CHST11: variants seen among roughly 807,000 people sequenced by gnomAD.
CHST11 encodes the protein carbohydrate sulfotransferase 11, also known as C4S-1.
A neutral mutation model predicts 30.4 loss-of-function variants in CHST11; 9 were observed. The observed-to-expected ratio is 0.30, with a 90% CI of 0.18 to 0.52. The LOEUF (loss-of-function observed/expected upper bound fraction) is 0.52. CHST11 is among the 20% of genes least tolerant of loss of function. CHST11 has a pLI of 0.97. For synonymous variants in CHST11, 152 were observed against 187.8 expected (o/e 0.81, Z 1.56); for missense variants, 348 against 460.6 (o/e 0.76, Z 2.24).
At chr12:104,558,022 A>G (rs1045997176) in intron 1 of CHST11, among the ~76,000 whole-genome samples, 3 of 152,046 alleles carry the variant, frequency 2.0e-5, no homozygotes, top group African/African-American at 7.2e-5. Flanking sequence ...AGAGAGGACC[A>G]GCTCTGCTGT....
At chr12:104,708,901 C>T (rs2040060654) in intron 2 of CHST11, among the ~76,000 whole-genome samples, 1 of 152,192 alleles carries the variant, frequency 6.6e-6, no homozygotes, top group South Asian at 2.1e-4. Flanking sequence ...GTCATTTTCA[C>T]CTTAGTAGCT....
At chr12:104,462,201 A>G (rs1474910371) in intron 1 of CHST11, among the ~76,000 whole-genome samples, 3 of 149,588 alleles carry the variant, frequency 2.0e-5, no homozygotes, top group Admixed American at 6.7e-5. Context: ...AGAAAAGAAA[A>G]AAAGAAAATT....
chr12:104,618,334 C>A lies in CHST11; in HGVS notation c.204+16343C>A, dbSNP rs570234212. Among the ~76,000 whole-genome samples, 10 of 151,922 alleles carry A rather than the reference C, an allele frequency of 6.6e-5. No homozygotes were observed. The South Asian group carries it at 2.1e-3, about 32-fold the overall frequency. On this transcript the variant is annotated intron_variant, in intron 2 of 2. Transcript: ENST00000303694. ...GGCTTCCTGGGCGCAAGTGATCCTG[C>A]CACTTCAGCCTCCCAAGTAGCTGGG...
intron 2 of CHST11, among the ~76,000 whole-genome samples, chr12:104,721,603 G>T (rs2040177509): frequency 6.6e-6 from 1 of 152,146 alleles, no homozygotes; most frequent in African/African-American, 2.4e-5. Context: ...GAGAATGAGT[G>T]CTCAAAATGG....
chr12:104,525,228 C>T (rs2038113496), intron 1 of CHST11, among the ~76,000 whole-genome samples: 1 of 151,920 alleles, frequency 6.6e-6, no homozygotes, highest in African/African-American at 2.4e-5. Context: ...TGGCCTCAAG[C>T]AGTCCTCCTG....
intron 1 of CHST11, among the ~76,000 whole-genome samples, chr12:104,466,727 A>T (rs2037463551): frequency 6.6e-6 from 1 of 152,242 alleles, no homozygotes; most frequent in Middle Eastern, 3.2e-3. Flanking sequence ...CTATTGGTAA[A>T]ACATATTTGA....
chr12:104,725,691 T>C lies in CHST11; in HGVS notation c.205-31258T>C, dbSNP rs192118805. On this transcript the variant is annotated intron_variant, in intron 2 of 2. Coordinates refer to ENST00000303694, the MANE Select transcript of CHST11 (RefSeq NM_018413.6). ...AACTCAGGGGCACATAGGTCTTGTG[T>C]GCTGGAGCCTAGCTTTCAACCCTGG... Among the ~76,000 whole-genome samples, 449 of 152,208 alleles carry C rather than the reference T, an allele frequency of 2.9e-3. 3 individuals carry two copies. The highest frequency in any genetic ancestry group is 9.6e-3 in the African/African-American group (397 of 41,514).
chr12:104,708,066 A>C (rs952082388), intron 2 of CHST11, among the ~76,000 whole-genome samples: 1 of 152,240 alleles, frequency 6.6e-6, no homozygotes, highest in Non-Finnish European at 1.5e-5. Context: ...TGTTCCATGC[A>C]CTGACACCTT....
At chr12:104,602,055 C>G (rs775436399) in intron 2 of CHST11, 64 bp downstream of exon 2, 1 of 1,202,998 alleles carries the variant, frequency 8.3e-7, no homozygotes, top group East Asian at 2.4e-5. Flanking sequence ...ATACTAAAAA[C>G]TCTAAAATTG....
At chr12:104,483,001 A>G (rs539548102) in intron 1 of CHST11, among the ~76,000 whole-genome samples, 18 of 152,146 alleles carry the variant, frequency 1.2e-4, no homozygotes, top group South Asian at 4.1e-4. Flanking sequence ...CACAGATTCA[A>G]GGTTTCTAAC....
At chr12:104,518,982 T>TG (rs1317899225) in intron 1 of CHST11, among the ~76,000 whole-genome samples, 1 of 151,440 alleles carries the variant, frequency 6.6e-6, no homozygotes, top group African/African-American at 2.4e-5. Flanking sequence ...TTCTTTTTTT[T>TG]TTTTTTTAAC....
At chr12:104,660,287 G>A (rs570779860) in intron 2 of CHST11, among the ~76,000 whole-genome samples, 23 of 152,304 alleles carry the variant, frequency 1.5e-4, no homozygotes, top group African/African-American at 3.8e-4. Context: ...AAAGTCTTTC[G>A]TTCCCAAAGC....
chr12:104,706,410 G>A (rs1749146467), intron 2 of CHST11, among the ~76,000 whole-genome samples: 1 of 117,014 alleles, frequency 8.5e-6, no homozygotes, highest in African/African-American at 3.1e-5. Flanking sequence ...AAACAGATAG[G>A]TAGATAGGTA....
intron 1 of CHST11, among the ~76,000 whole-genome samples, chr12:104,475,252 A>G (rs942133157): frequency 6.6e-6 from 1 of 152,182 alleles, no homozygotes; most frequent in African/African-American, 2.4e-5. Flanking sequence ...ACAAATCTAA[A>G]TAAGACTTAG....
chr12:104,755,282 A>G (rs763742942), intron 2 of CHST11, among the ~76,000 whole-genome samples: 1 of 152,102 alleles, frequency 6.6e-6, no homozygotes, highest in Non-Finnish European at 1.5e-5. Context: ...CATTCTCAGG[A>G]CTCAAAGCCA....
intron 2 of CHST11, among the ~76,000 whole-genome samples, chr12:104,712,124 C>T (rs1310903826): frequency 6.6e-6 from 1 of 152,138 alleles, no homozygotes; most frequent in African/African-American, 2.4e-5. Flanking sequence ...CAAGTGTTCA[C>T]CATGCAGAAG....
intron 2 of CHST11, among the ~76,000 whole-genome samples, chr12:104,711,724 A>T (rs887983810): frequency 3.3e-5 from 5 of 152,222 alleles, no homozygotes; most frequent in African/African-American, 1.2e-4. Flanking sequence ...AAATTAAAAA[A>T]AAATAAAAAA....
At chr12:104,668,133 C>A (rs1368670635) in intron 2 of CHST11, among the ~76,000 whole-genome samples, 1 of 152,138 alleles carries the variant, frequency 6.6e-6, no homozygotes, top group East Asian at 1.9e-4. Context: ...AACGACTTAA[C>A]TTCCCTGGAA....
chr12:104,749,755 C>T (rs755124458), intron 2 of CHST11, among the ~76,000 whole-genome samples: 6 of 152,224 alleles, frequency 3.9e-5, no homozygotes, highest in Non-Finnish European at 4.4e-5. Context: ...GTTACAAAAG[C>T]TCTTCTGAGC....
Sources: gnomAD v4.1 joint callset for allele counts (sites outside exome capture counted in the v4.1 genomes callset) on GRCh38, gnomAD v4.1.1 for gene constraint, MANE v1.5 for transcripts, NCBI Gene and HGNC (gene_info 2026-07-23, HGNC 2026-07-21) for gene names.